The following PLAA variants were observed in gnomAD, a reference collection of about 807,000 sequenced individuals.
PLAA encodes the protein phospholipase A-2-activating protein.
PLAA carries 48 observed loss-of-function variants against 84.1 expected under a neutral mutation model. That is an observed-to-expected ratio of 0.57 (90% CI 0.45 to 0.73). The LOEUF is 0.73. Ranked by LOEUF, PLAA falls within the 30% of genes least tolerant of loss-of-function variation. PLAA has a pLI of 0.00. For synonymous variants in PLAA, 392 were observed against 336.6 expected (o/e 1.16, Z -1.80); for missense variants, 903 against 954.7 (o/e 0.95, Z 0.71).
At chr9:26,915,786 GC>G in intron 10 of PLAA, 1 of 985,274 alleles carries the variant, frequency 1.0e-6, no homozygotes, top group Non-Finnish European at 1.2e-6. Flanking sequence ...GGTTATAATG[GC>G]CCCAGGAGTT....
Position 26,919,461 on chromosome 9 carries a change from G to A in PLAA, c.1266C>T (p.Thr422=), listed in dbSNP as rs200655405. Residue 422 remains threonine, a synonymous_variant, in exon 9 of 14, where the codon ACC becomes ACT. Transcript: ENST00000397292. ...ATGCAGTTAACCAAGGGTCATCACT[G>A]GTATTATATGGCAATTTATATGATG... The part of the protein sequence containing the change: ...GGPSYKLPYN[T]SDDPWLTAYN... 38 of 1,610,156 alleles carry A rather than the reference G, an allele frequency of 2.4e-5. No homozygotes were observed. The highest frequency in any genetic ancestry group is 3.3e-4 in the Middle Eastern group (2 of 5,974).
At chr9:26,911,364 G>GT (rs1824392322) in intron 11 of PLAA, among the ~76,000 whole-genome samples, 1 of 152,128 alleles carries the variant, frequency 6.6e-6, no homozygotes, top group Admixed American at 6.6e-5. Context: ...CATTGGCCAG[G>GT]CTGGTCTCGA....
intron 1 of PLAA, among the ~76,000 whole-genome samples, chr9:26,936,428 T>A (rs965147958): frequency 2.0e-5 from 3 of 152,196 alleles, no homozygotes; most frequent in African/African-American, 7.2e-5. Flanking sequence ...GCACCAGGCA[T>A]CTGTTTTCCC....
At chr9:26,918,597 C>T (rs553319355) in intron 9 of PLAA, among the ~76,000 whole-genome samples, 6 of 151,982 alleles carry the variant, frequency 3.9e-5, no homozygotes, top group South Asian at 2.1e-4. Context: ...ACAAAGTCCT[C>T]GTAAAACAAG....
chr9:26,943,420 T>C (rs1239859944), intron 1 of PLAA, among the ~76,000 whole-genome samples: 1 of 152,146 alleles, frequency 6.6e-6, no homozygotes, highest in African/African-American at 2.4e-5. Flanking sequence ...TCTAGAACCT[T>C]AGCAACAACA....
chr9:26,937,336 A>T (rs754975437), intron 1 of PLAA, among the ~76,000 whole-genome samples: 17 of 152,188 alleles, frequency 1.1e-4, no homozygotes, highest in Non-Finnish European at 2.1e-4. Flanking sequence ...TCTTAGCCCG[A>T]TATTTGAAAC....
At chr9:26,943,209 T>C (rs1441148504) in intron 1 of PLAA, among the ~76,000 whole-genome samples, 1 of 152,168 alleles carries the variant, frequency 6.6e-6, no homozygotes, top group Non-Finnish European at 1.5e-5. Flanking sequence ...TCTGAAACAA[T>C]GGCATGTTGC....
chr9:26,907,242 T>C (rs1824264403), intron 13 of PLAA, among the ~76,000 whole-genome samples: 1 of 151,654 alleles, frequency 6.6e-6, no homozygotes, highest in African/African-American at 2.4e-5. Context: ...TCTGAAACAG[T>C]AAACAAACAG....
At chr9:26,914,757 G>T (rs552383486) in intron 10 of PLAA, among the ~76,000 whole-genome samples, 1 of 152,164 alleles carries the variant, frequency 6.6e-6, no homozygotes, top group East Asian at 1.9e-4. Flanking sequence ...CTTGCCCAAG[G>T]CATTAAGCTG....
chr9:26,915,757 G>T, intron 10 of PLAA: 2 of 985,026 alleles, frequency 2.0e-6, no homozygotes, highest in Non-Finnish European at 2.4e-6. Flanking sequence ...TGACATTATG[G>T]AACAGTGAGA....
At chr9:26,913,999 T>G (rs766059834) in intron 10 of PLAA, 52 bp from the exon 11 acceptor site, 1 of 1,250,414 alleles carries the variant, frequency 8.0e-7, no homozygotes, top group Non-Finnish European at 1.2e-6. Context: ...AATTATAAAG[T>G]TCAAACTGCT....
intron 1 of PLAA, among the ~76,000 whole-genome samples, chr9:26,942,871 T>C (rs1302211789): frequency 2.7e-4 from 27 of 99,068 alleles, no homozygotes; most frequent in Middle Eastern, 8.9e-3. Flanking sequence ...AGAGCGAGAC[T>C]CGTCTCAAAA....
chr9:26,929,228 T>G (rs772553579), intron 2 of PLAA, among the ~76,000 whole-genome samples: 4 of 151,378 alleles, frequency 2.6e-5, no homozygotes, highest in African/African-American at 7.3e-5. Flanking sequence ...AAAGAAAAAT[T>G]AGCCAGGTGG....
In PLAA at chr9:26,926,527, A is replaced by G. The variant is rs781155911; in HGVS notation, c.599T>C (p.Leu200Ser). ...ACAGGAAAGAAATTCTGTTTCACTC[A>G]AAATTGCCAAACCTCTTACACAGTC... The part of the protein sequence containing the change: ...HEDCVRGLAI[L>S]SETEFLSCAN... Residue 200 changes from leucine to serine, a missense_variant, in exon 5 of 14, where the codon TTG (leucine) becomes TCG (serine). By Grantham distance (145) the Leu-to-Ser change is moderately radical. Transcript: ENST00000397292. 6.2e-7 allele frequency: 1 copy of G among 1,613,614 alleles called. No individual in the cohort carries two copies. Among genetic ancestry groups the G allele is most frequent in the Non-Finnish European group, 8.5e-7 (1 of 1,179,678 alleles).
chr9:26,917,633 G>C (rs1238094572), intron 9 of PLAA, among the ~76,000 whole-genome samples: 1 of 152,076 alleles, frequency 6.6e-6, no homozygotes, highest in African/African-American at 2.4e-5. Flanking sequence ...GGATCCAGAA[G>C]GGAACAAAAT....
intron 7 of PLAA, among the ~76,000 whole-genome samples, chr9:26,921,791 A>G (rs1824769726): frequency 6.6e-6 from 1 of 152,232 alleles, no homozygotes; most frequent in Non-Finnish European, 1.5e-5. Flanking sequence ...TCTTCTGCAT[A>G]TTCATACAGT....
Position 26,929,876 on chromosome 9 carries a change from G to A in PLAA, c.344-1468C>T, listed in dbSNP as rs561396869. 1.2e-4 allele frequency among the ~76,000 whole-genome samples: 18 copies of A among 152,272 alleles called. No homozygotes were observed. The East Asian group carries it at 2.9e-3, about 25-fold the overall frequency. On this transcript the variant is annotated intron_variant, in intron 2 of 13. Coordinates refer to ENST00000397292, the MANE Select transcript of PLAA (RefSeq NM_001031689.3). ...ATCGTTGATGACCAGAAAGCATGCT[G>A]TGGTAACTCTCCCTTTTTGGACACA...
intron 11 of PLAA, among the ~76,000 whole-genome samples, chr9:26,912,621 A>C (rs979303703): frequency 2.0e-5 from 3 of 152,230 alleles, no homozygotes; most frequent in Non-Finnish European, 4.4e-5. Context: ...GAGCACTGTT[A>C]ACCTTTGTTA....
chr9:26,944,206 A>G (rs941706855), intron 1 of PLAA, among the ~76,000 whole-genome samples: 1 of 152,158 alleles, frequency 6.6e-6, no homozygotes, highest in Admixed American at 6.5e-5. Context: ...CCCTTCCACC[A>G]TAGGATGATA....
Sources: allele counts gnomAD v4.1 joint callset (sites outside exome capture counted in the v4.1 genomes callset), GRCh38; gene constraint gnomAD v4.1.1; transcripts MANE v1.5; gene names NCBI Gene and HGNC (gene_info 2026-07-23, HGNC 2026-07-21).